SLC1A4: variants seen among roughly 807,000 people sequenced by gnomAD.
The protein encoded by SLC1A4 is solute carrier family 1 member 4, also known as neutral amino acid transporter A.
A neutral mutation model predicts 37.7 loss-of-function variants in SLC1A4; 19 were observed. That is an observed-to-expected ratio of 0.50 (90% CI 0.35 to 0.74). The LOEUF (loss-of-function observed/expected upper bound fraction) is 0.74. Among genes scored for constraint, SLC1A4 ranks in the 30% least tolerant of loss-of-function variants. The pLI is 0.01. For missense variants in SLC1A4, 570 were observed against 712.9 expected, an observed-to-expected ratio of 0.80 and a Z score of 2.28; for synonymous variants, 299 against 309.8, an observed-to-expected ratio of 0.97 and a Z score of 0.37.
chr2:65,011,656 C>G (rs543683696), intron 4 of SLC1A4: 1 of 152,122 alleles, frequency 6.6e-6, no homozygotes, highest in Non-Finnish European at 1.5e-5. Flanking sequence ...AGATTATTTG[C>G]TAAAAGGTAA....
chr2:65,018,290 C>T lies in SLC1A4; in HGVS notation c.1229+25C>T, dbSNP rs754806985. On this transcript the variant is annotated intron_variant, in intron 6 of 7. Coordinates refer to ENST00000234256, the MANE Select transcript of SLC1A4 (RefSeq NM_003038.5). This position sits in a 1 kb window ranked among gnomAD's most constrained non-coding sequence, Gnocchi z 4.3. Reference sequence around the variant, plus strand: ...TGTAAGTTCCTCATTCTTTCCCTGGCTCAAAACTGAAGGCTTTTCTTGTGA... The same window carrying T: ...TGTAAGTTCCTCATTCTTTCCCTGGTTCAAAACTGAAGGCTTTTCTTGTGA... 3.1e-6 allele frequency: 5 copies of T among 1,599,500 alleles called. No individual in the cohort carries two copies. The South Asian group carries it at 3.3e-5, about 11-fold the overall frequency.
intron 3 of SLC1A4, among the ~76,000 whole-genome samples, chr2:65,005,518 G>C (rs534548416): frequency 1.3e-5 from 2 of 152,318 alleles, no homozygotes; most frequent in Non-Finnish European, 2.9e-5. Context: ...TGTCAGCTAG[G>C]CCTGCTTTCC....
intron 3 of SLC1A4, among the ~76,000 whole-genome samples, chr2:65,009,970 C>T (rs34956531): frequency 0.012 from 1,828 of 150,776 alleles, 15 homozygotes; most frequent in Middle Eastern, 0.021. Flanking sequence ...CTCGCTCTGT[C>T]GCCCAGGCTG....
chr2:64,991,481 G>T (rs556965176), intron 1 of SLC1A4, among the ~76,000 whole-genome samples: 1 of 147,364 alleles, frequency 6.8e-6, no homozygotes, highest in Admixed American at 6.9e-5. Context: ...AGACTGGAGT[G>T]CAGTGTTGGG....
At chr2:64,996,421 A>G (rs1264979235) in intron 1 of SLC1A4, among the ~76,000 whole-genome samples, 1 of 152,212 alleles carries the variant, frequency 6.6e-6, no homozygotes, top group African/African-American at 2.4e-5. Flanking sequence ...AAATATTTGC[A>G]AACTTGAATA....
At position 65,016,445 on chromosome 2, in the gene SLC1A4, T is replaced by C; in HGVS notation, c.806T>C (p.Val269Ala). ...ACCCTGTGCTTGTGCCCTAGGTACGTACCTGTGGGCATCATGTTCCTTGTT... is the reference window on the plus strand; with the variant it reads ...ACCCTGTGCTTGTGCCCTAGGTACGCACCTGTGGGCATCATGTTCCTTGTT... ...MVLVSWIMWY[V>A]PVGIMFLVGS... Residue 269 changes from valine to alanine, a missense_variant, in exon 5 of 8, where the codon GTA becomes GCA. Physicochemically the swap from Val to Ala is moderately conservative, Grantham distance 64. Coordinates refer to ENST00000234256, the MANE Select transcript of SLC1A4 (RefSeq NM_003038.5). 6.2e-7 allele frequency: 1 copy of C among 1,613,776 alleles called. No homozygotes were observed.
intron 1 of SLC1A4, among the ~76,000 whole-genome samples, chr2:64,996,098 T>C (rs1201732107): frequency 6.9e-6 from 1 of 145,150 alleles, no homozygotes. Flanking sequence ...CTTGGGCCTC[T>C]AGATTTAGTA....
chr2:65,016,483 G>C lies in SLC1A4; in HGVS notation c.844G>C (p.Val282Leu), dbSNP rs373422737. ...CATGTTCCTTGTTGGAAGCAAGATC[G>C]TGGAAATGAAAGACATCATCGTGCT... ...GIMFLVGSKI[V>L]EMKDIIVLVT... Residue 282 changes from valine to leucine, a missense_variant, in exon 5 of 8, where the codon GTG (valine) becomes CTG (leucine). Physicochemically the swap from Val to Leu is conservative, Grantham distance 32. Transcript: ENST00000234256. 1 of 1,614,096 alleles carries C rather than the reference G, an allele frequency of 6.2e-7. No individual in the cohort carries two copies. Among genetic ancestry groups the C allele is most frequent in the African/African-American group, 1.3e-5 (1 of 74,932 alleles).
Position 64,991,762 on chromosome 2 carries a change from G to A in SLC1A4, c.527+1592G>A, listed in dbSNP as rs542117236. Among the ~76,000 whole-genome samples the A allele has an allele frequency of 3.4e-3, 524 of 152,132 alleles. 1 individual carries two copies. The highest frequency in any genetic ancestry group is 5.9e-3 in the Non-Finnish European group (399 of 67,964). ...ATTACAGGCGCGTGCCACCACGCCC[G>A]GCTAATTTTTTGTATTTTTTAGTAG... On this transcript the variant is annotated intron_variant, in intron 1 of 7. Transcript: ENST00000234256.
At chr2:64,996,748 T>C (rs1263492219) in intron 1 of SLC1A4, among the ~76,000 whole-genome samples, 1 of 152,202 alleles carries the variant, frequency 6.6e-6, no homozygotes, top group Non-Finnish European at 1.5e-5. Context: ...AAATGGGAGA[T>C]GCTCAGTGAC....
At position 65,020,367 on chromosome 2, in the gene SLC1A4, A is replaced by G. The variant is rs1572974011; in HGVS notation, c.1365-545A>G. On this transcript the variant is annotated intron_variant, in intron 7 of 7. Transcript: ENST00000234256. ...CTGAAGCTTTGAACTCCTGGACTCAAGCAATCCCCCCACCTCAGCCTCCTG... is the reference window on the plus strand; with the variant it reads ...CTGAAGCTTTGAACTCCTGGACTCAGGCAATCCCCCCACCTCAGCCTCCTG... 2.6e-5 allele frequency among the ~76,000 whole-genome samples: 4 copies of G among 152,334 alleles called. No homozygotes were observed. In the South Asian group the frequency reaches 8.3e-4, roughly 32 times the overall value.
chr2:65,010,621 G>A lies in SLC1A4; in HGVS notation c.658G>A (p.Gly220Arg), dbSNP rs1267029512. The A allele has an allele frequency of 4.3e-6, 7 of 1,612,992 alleles. No homozygotes were observed. In the Admixed American group the frequency reaches 1.0e-4, roughly 23 times the overall value. ...EKIPIGTEIEGMNILGLVLFA... is the reference protein window; with the variant it reads ...EKIPIGTEIERMNILGLVLFA... ...GATCCCCATAGGCACTGAGATAGAA[G>A]GGATGAACATTTTAGGATTGGTCCT... The change falls in exon 4 of 8, where the codon GGG becomes AGG. Residue 220 changes from glycine (G) to arginine (R), a missense_variant. Transcript: ENST00000234256.
At chr2:65,019,463 G>T (rs188221181) in intron 7 of SLC1A4, among the ~76,000 whole-genome samples, 1 of 152,268 alleles carries the variant, frequency 6.6e-6, no homozygotes, top group Admixed American at 6.5e-5. Context: ...AGGGTTGTGG[G>T]GAAGATTGAG....
rs201278558 is a variant in SLC1A4 at position 65,010,729 on chromosome 2, G to A, written c.766G>A (p.Glu256Lys). 1.2e-4 allele frequency: 198 copies of A among 1,613,880 alleles called. No individual in the cohort carries two copies. Among genetic ancestry groups the A allele is most frequent in the Admixed American group, 1.0e-4 (6 of 59,982 alleles). The change falls in exon 4 of 8, where the codon GAG (glutamate) becomes AAG (lysine). Residue 256 changes from glutamate (E) to lysine (K), a missense_variant. Physicochemically the swap from Glu to Lys is moderately conservative, Grantham distance 56 (BLOSUM62 1). Coordinates refer to ENST00000234256, the MANE Select transcript of SLC1A4 (RefSeq NM_003038.5). The part of the protein sequence containing the change: ...DLIRFFNSLN[E>K]ATMVLVSWIM... Reference sequence around the variant, plus strand: ...CATCCGTTTCTTCAATTCCCTCAACGAGGCGACGATGGTGCTGGTGTCCTG... The same window carrying A: ...CATCCGTTTCTTCAATTCCCTCAACAAGGCGACGATGGTGCTGGTGTCCTG...
At position 65,018,202 on chromosome 2, in the gene SLC1A4, C is replaced by T. The variant is rs1177351859; in HGVS notation, c.1166C>T (p.Ala389Val). ...GGAGCAGCCATCTTCCAGTGTGTGG[C>T]CGCGGTGTTCATTGCGCAACTCAAC... is the stretch of plus-strand genomic sequence containing the variant. ...MDGAAIFQCV[A>V]AVFIAQLNNV... is the part of the protein sequence containing the mutation. Residue 389 changes from alanine (A) to valine (V), a missense_variant, in exon 6 of 8, where the codon GCC becomes GTC. Physicochemically the swap from Ala to Val is moderately conservative, Grantham distance 64. Transcript: ENST00000234256. This position sits in a 1 kb window ranked among gnomAD's most constrained non-coding sequence, Gnocchi z 4.3. 6.2e-7 allele frequency: 1 copy of T among 1,614,184 alleles called. No homozygotes were observed. Among genetic ancestry groups the T allele is most frequent in the Admixed American group, 1.7e-5 (1 of 60,028 alleles).
In SLC1A4 at chr2:65,022,607, T is replaced by C. The variant is rs1483075515; in HGVS notation, c.*1461T>C. On this transcript the variant is annotated 3_prime_UTR_variant, in exon 8 of 8. Transcript: ENST00000234256. The stretch of plus-strand genomic sequence containing the variant: ...TTTCTGCTGGTGAGGACAGCATTTC[T>C]GAGCAGGGCTTTGTTCTCTATGTGC... 1 of 152,298 alleles carries C rather than the reference T, an allele frequency of 6.6e-6. No individual in the cohort carries two copies. Among genetic ancestry groups the C allele is most frequent in the Non-Finnish European group, 1.5e-5 (1 of 68,074 alleles). 9.4% of individuals were successfully genotyped at this position (152,298 alleles called of 1,614,324 possible). A position where few individuals can be genotyped will look rare whatever the true frequency, so the allele number is the denominator to read the frequency against.
upstream of SLC1A4, among the ~76,000 whole-genome samples, chr2:64,988,849 G>C (rs1672907168): frequency 6.7e-6 from 1 of 149,804 alleles, no homozygotes; most frequent in Non-Finnish European, 1.5e-5. Flanking sequence ...GGGAGAGGCC[G>C]GCGAGCTCTG....
intron 1 of SLC1A4, among the ~76,000 whole-genome samples, chr2:64,998,421 A>G (rs1458105161): frequency 7.6e-6 from 1 of 131,714 alleles, no homozygotes; most frequent in Non-Finnish European, 1.8e-5. Flanking sequence ...TCTGTCTCCA[A>G]AAAAAAAAAA....
rs1020486272 is a variant in SLC1A4, at chr2:65,022,292, A to G, written c.*1146A>G. ...TTTAAAATTATCAGCGAAATGGTCC[A>G]TGTTTTTCCAATTACCTGCTGACAC... On this transcript the variant is annotated 3_prime_UTR_variant, in exon 8 of 8. Transcript: ENST00000234256. 1 of 152,236 alleles carries G rather than the reference A, an allele frequency of 6.6e-6. No homozygotes were observed. The highest frequency in any genetic ancestry group is 2.4e-5 in the African/African-American group (1 of 41,464). 9.4% of individuals were successfully genotyped at this position (152,236 alleles called of 1,614,324 possible).
Sources: allele counts gnomAD v4.1 joint callset (sites outside exome capture counted in the v4.1 genomes callset), GRCh38; gene constraint gnomAD v4.1.1; non-coding constraint Gnocchi (gnomAD v3.1); transcripts MANE v1.5; gene names NCBI Gene and HGNC (gene_info 2026-07-23, HGNC 2026-07-21).